The following DNER variants were observed in gnomAD, a reference collection of about 807,000 sequenced individuals.
DNER encodes the protein delta/notch like EGF repeat containing, also known as delta and Notch-like epidermal growth factor-related receptor.
Under a neutral mutation model 78.2 loss-of-function variants are expected in DNER, and 33 were observed. That is an observed-to-expected ratio of 0.42 (90% CI 0.32 to 0.56). The LOEUF is 0.56. Ranked by LOEUF, DNER falls within the 20% of genes least tolerant of loss-of-function variation. The probability of loss-of-function intolerance (pLI) is 0.11; values close to 1 mark genes in which losing one functional copy is unlikely to be tolerated. For missense variants in DNER, 918 were observed against 975.3 expected (o/e 0.94, Z 0.78); for synonymous variants, 417 against 384.8 (o/e 1.08, Z -0.98).
intron 1 of DNER, among the ~76,000 whole-genome samples, chr2:229,612,600 C>G (rs979718523): frequency 6.6e-6 from 1 of 152,226 alleles, no homozygotes; most frequent in African/African-American, 2.4e-5. Flanking sequence ...CCAGAAGCCT[C>G]GCTGCGGACA....
chr2:229,366,808 T>C, intron 12 of DNER, 65 bp downstream of exon 12: 2 of 1,600,762 alleles, frequency 1.2e-6, no homozygotes, highest in Non-Finnish European at 1.7e-6. Context: ...CTGTGTATAA[T>C]ATGACCCTGT....
intron 1 of DNER, among the ~76,000 whole-genome samples, chr2:229,635,479 T>C (rs774098476): frequency 6.6e-6 from 1 of 151,910 alleles, no homozygotes; most frequent in Non-Finnish European, 1.5e-5. Context: ...GTCTGCAGCA[T>C]TTAGGCTGGC....
At chr2:229,496,329 G>A (rs1363194533) in intron 6 of DNER, among the ~76,000 whole-genome samples, 1 of 152,138 alleles carries the variant, frequency 6.6e-6, no homozygotes, top group Non-Finnish European at 1.5e-5. Flanking sequence ...GTGAAAACAT[G>A]TATATGACTT....
chr2:229,471,109 C>T (rs757099710), intron 7 of DNER, among the ~76,000 whole-genome samples: 2 of 151,892 alleles, frequency 1.3e-5, no homozygotes, highest in Non-Finnish European at 2.9e-5. Context: ...TAATAGAGTG[C>T]TTTCACCAAG....
intron 8 of DNER, among the ~76,000 whole-genome samples, chr2:229,425,457 C>T (rs552216720): frequency 5.3e-5 from 8 of 152,084 alleles, no homozygotes; most frequent in Non-Finnish European, 1.2e-4. Context: ...GCCCAGATTC[C>T]AGCCCACAGA....
chr2:229,421,832 C>T (rs1693773085), intron 8 of DNER, among the ~76,000 whole-genome samples: 1 of 152,036 alleles, frequency 6.6e-6, no homozygotes, highest in African/African-American at 2.4e-5. Flanking sequence ...TTTTAACAAT[C>T]AACATGGAAG....
At chr2:229,361,626 G>A (rs150158279) in intron 12 of DNER, among the ~76,000 whole-genome samples, 196 of 152,236 alleles carry the variant, frequency 1.3e-3, no homozygotes, top group Non-Finnish European at 2.0e-3. Context: ...TCCAAAGGAC[G>A]TGTCAATGTT....
At chr2:229,449,679 T>G (rs1694413501) in intron 7 of DNER, among the ~76,000 whole-genome samples, 1 of 152,172 alleles carries the variant, frequency 6.6e-6, no homozygotes, top group African/African-American at 2.4e-5. Flanking sequence ...CATGATAAAT[T>G]CCATACCCAA....
At chr2:229,450,598 T>C (rs1694435920) in intron 7 of DNER, among the ~76,000 whole-genome samples, 1 of 152,194 alleles carries the variant, frequency 6.6e-6, no homozygotes, top group Non-Finnish European at 1.5e-5. Context: ...TCAGTTAAAC[T>C]GAAGTTGTTA....
intron 1 of DNER, among the ~76,000 whole-genome samples, chr2:229,655,827 G>A (rs1698901936): frequency 6.6e-6 from 1 of 152,060 alleles, no homozygotes; most frequent in Non-Finnish European, 1.5e-5. Context: ...GGAAGGGAAA[G>A]GAAGAGAAGA....
chr2:229,555,310 T>C (rs941449973), intron 4 of DNER, among the ~76,000 whole-genome samples: 1 of 152,188 alleles, frequency 6.6e-6, no homozygotes, highest in Non-Finnish European at 1.5e-5. Flanking sequence ...ATTCTTCCTT[T>C]ATGGCCCTGA....
In DNER at chr2:229,665,123, C is replaced by G. The variant is rs116764522; in HGVS notation, c.276+49025G>C. 6.9e-3 allele frequency among the ~76,000 whole-genome samples: 1,048 copies of G among 152,168 alleles called. 6 individuals are homozygous for G. Among genetic ancestry groups the G allele is most frequent in the Non-Finnish European group, 0.01 (691 of 68,018 alleles). On this transcript the variant is annotated intron_variant, in intron 1 of 12. Transcript: ENST00000341772. ...TTTTCTTTTGCAGGAAATATAACAGCTGAGGAGAATGCCCACCTAGATCAG... is the reference window on the plus strand; with the variant it reads ...TTTTCTTTTGCAGGAAATATAACAGGTGAGGAGAATGCCCACCTAGATCAG...
At chr2:229,705,947 T>C (rs1699821040) in intron 1 of DNER, among the ~76,000 whole-genome samples, 1 of 152,178 alleles carries the variant, frequency 6.6e-6, no homozygotes, top group Non-Finnish European at 1.5e-5. Context: ...CTAACTATGG[T>C]GTCCAGACAT....
At chr2:229,490,776 G>A (rs981320927) in intron 6 of DNER, among the ~76,000 whole-genome samples, 1 of 152,132 alleles carries the variant, frequency 6.6e-6, no homozygotes, top group Non-Finnish European at 1.5e-5. Context: ...AAACTTTGGA[G>A]TCATTCACAA....
At chr2:229,489,725 G>C (rs1023711213) in intron 6 of DNER, among the ~76,000 whole-genome samples, 2 of 150,138 alleles carry the variant, frequency 1.3e-5, no homozygotes, top group African/African-American at 4.9e-5. Context: ...AGGGGAGGAA[G>C]AAGAGGGTGG....
intron 1 of DNER, among the ~76,000 whole-genome samples, chr2:229,656,479 T>A (rs1300732874): frequency 6.6e-6 from 1 of 152,100 alleles, no homozygotes; most frequent in Non-Finnish European, 1.5e-5. Context: ...TCCCTACCAC[T>A]AAGCGTGGGC....
intron 8 of DNER, among the ~76,000 whole-genome samples, chr2:229,425,765 T>G (rs529664569): frequency 2.6e-5 from 4 of 152,216 alleles, no homozygotes; most frequent in African/African-American, 4.8e-5. Flanking sequence ...TGCAACAAAT[T>G]CCCAGCGACT....
rs1309316304 is a variant in DNER at position 229,591,276 on chromosome 2, T to A, written c.585+304A>T. Among the ~76,000 whole-genome samples, 1 of 152,022 alleles carries A rather than the reference T, an allele frequency of 6.6e-6. No homozygotes were observed. Among genetic ancestry groups the A allele is most frequent in the African/African-American group, 2.4e-5 (1 of 41,382 alleles). On this transcript the variant is annotated intron_variant, in intron 2 of 12. Coordinates refer to ENST00000341772, the MANE Select transcript of DNER (RefSeq NM_139072.4). This position sits in a 1 kb window ranked among gnomAD's most constrained non-coding sequence, Gnocchi z 4.6. ...GGAAAATAAGGTCAATGATGGAGGG[T>A]CCTATGACATGTTCCTTTACATGAC...
At chr2:229,428,855 G>A (rs902600047) in intron 8 of DNER, among the ~76,000 whole-genome samples, 4 of 152,086 alleles carry the variant, frequency 2.6e-5, no homozygotes, top group Non-Finnish European at 5.9e-5. Context: ...GATCAGGGGA[G>A]CATGGGATGG....
Sources: allele counts gnomAD v4.1 joint callset (sites outside exome capture counted in the v4.1 genomes callset), GRCh38; gene constraint gnomAD v4.1.1; non-coding constraint Gnocchi (gnomAD v3.1); transcripts MANE v1.5; gene names NCBI Gene and HGNC (gene_info 2026-07-23, HGNC 2026-07-21).